GRIK4: variants seen among roughly 807,000 people sequenced by gnomAD.
The protein encoded by GRIK4 is glutamate receptor ionotropic, kainate 4.
GRIK4 carries 40 observed loss-of-function variants against 104.9 expected under a neutral mutation model. The ratio of observed to expected loss-of-function variants is 0.38; its 90% CI spans 0.30 to 0.50. The LOEUF (loss-of-function observed/expected upper bound fraction) is 0.50. GRIK4 is among the 20% of genes least tolerant of loss of function. The pLI, the probability that GRIK4 is intolerant of heterozygous loss-of-function variation, is 0.93. For missense variants in GRIK4, 1,047 were observed against 1,308.1 expected (o/e 0.80, Z 3.08); for synonymous variants, 485 against 524.9 (o/e 0.92, Z 1.04).
intron 1 of GRIK4, among the ~76,000 whole-genome samples, chr11:120,560,453 T>G (rs1354690575): frequency 6.6e-6 from 1 of 152,214 alleles, no homozygotes; most frequent in Non-Finnish European, 1.5e-5. Flanking sequence ...GCCTACACAG[T>G]GTCCCCGTTG....
intron 1 of GRIK4, among the ~76,000 whole-genome samples, chr11:120,620,791 A>G (rs1358783595): frequency 6.6e-6 from 1 of 152,026 alleles, no homozygotes; most frequent in Non-Finnish European, 1.5e-5. Context: ...TTATTTCCCC[A>G]CTGACAACTA....
At chr11:120,712,185 A>G (rs1012329893) in intron 3 of GRIK4, among the ~76,000 whole-genome samples, 1 of 152,354 alleles carries the variant, frequency 6.6e-6, no homozygotes, top group Middle Eastern at 3.4e-3. Context: ...AGGGGCACCC[A>G]GCCTGCCCTT....
At chr11:120,573,670 CAGAG>C (rs1415365703) in intron 1 of GRIK4, among the ~76,000 whole-genome samples, 1 of 152,226 alleles carries the variant, frequency 6.6e-6, no homozygotes, top group Admixed American at 6.5e-5. Context: ...AAACTAGAAA[CAGAG>C]AGAGCAGTGG....
At chr11:120,627,930 T>A (rs1949282114) in intron 1 of GRIK4, among the ~76,000 whole-genome samples, 1 of 152,242 alleles carries the variant, frequency 6.6e-6, no homozygotes, top group Admixed American at 6.5e-5. Flanking sequence ...GCTAGCAATT[T>A]GCTGTGCTTC....
At chr11:120,943,788 C>T (rs181376318) in intron 14 of GRIK4, among the ~76,000 whole-genome samples, 14 of 151,980 alleles carry the variant, frequency 9.2e-5, no homozygotes, top group African/African-American at 2.9e-4. Context: ...AACCTGTGTG[C>T]GAATGTAAAA....
intron 1 of GRIK4, among the ~76,000 whole-genome samples, chr11:120,594,468 C>T (rs1948774697): frequency 6.6e-6 from 1 of 152,138 alleles, no homozygotes; most frequent in Non-Finnish European, 1.5e-5. Flanking sequence ...CAGAGCACAA[C>T]CCTGTCTAAA....
intron 4 of GRIK4, among the ~76,000 whole-genome samples, chr11:120,805,324 T>C (rs993102686): frequency 1.1e-4 from 16 of 152,146 alleles, no homozygotes; most frequent in African/African-American, 3.9e-4. Flanking sequence ...CTTCAGGGCT[T>C]CTCTGGCAGA....
chr11:120,628,898 T>C (rs757012238), intron 1 of GRIK4, among the ~76,000 whole-genome samples: 2 of 152,154 alleles, frequency 1.3e-5, no homozygotes, highest in African/African-American at 2.4e-5. Flanking sequence ...TTTTAAAATA[T>C]TTATTAAGCA....
Position 120,939,555 on chromosome 11 carries a change from GT to G in GRIK4, c.1477-790del, listed in dbSNP as rs1189227494. Among the ~76,000 whole-genome samples the G allele has an allele frequency of 7.9e-5, 12 of 152,144 alleles. No homozygotes were observed. Among genetic ancestry groups the G allele is most frequent in the African/African-American group, 2.2e-4 (9 of 41,434 alleles). ...GCTTTCTCACTGTGGGACAAATGGG[GT>G]TGCATTAAGGTTTTTCTGATTTCTG... is the stretch of plus-strand genomic sequence containing the variant. On this transcript the variant is annotated intron_variant, in intron 13 of 20. Transcript: ENST00000527524. This position sits in a 1 kb window ranked among gnomAD's most constrained non-coding sequence, Gnocchi z 5.6.
Position 120,554,302 on chromosome 11 carries a change from G to A in GRIK4, c.-159+42415G>A, listed in dbSNP as rs188020134. ...AAACCGCTCTGGATAGATGCTGGTA[G>A]CAATTAACTATCTTTAGCTGTGAAA... On this transcript the variant is annotated intron_variant, in intron 1 of 20. Coordinates refer to ENST00000527524, the MANE Select transcript of GRIK4 (RefSeq NM_014619.5). Among the ~76,000 whole-genome samples, 23 of 152,336 alleles carry A rather than the reference G, an allele frequency of 1.5e-4. No individual in the cohort carries two copies. In the East Asian group the frequency reaches 4.1e-3, roughly 27 times the overall value.
At chr11:120,567,842 A>G (rs146409872) in intron 1 of GRIK4, among the ~76,000 whole-genome samples, 1 of 152,338 alleles carries the variant, frequency 6.6e-6, no homozygotes, top group African/African-American at 2.4e-5. Flanking sequence ...TCTCCAAGGC[A>G]GGTACAGACC....
At chr11:120,846,062 T>C (rs1191042022) in intron 8 of GRIK4, among the ~76,000 whole-genome samples, 5 of 152,174 alleles carry the variant, frequency 3.3e-5, no homozygotes, top group African/African-American at 1.2e-4. Context: ...CTCCTGTACC[T>C]ATTCTCTGCA....
At chr11:120,766,089 T>C (rs1951834164) in intron 3 of GRIK4, among the ~76,000 whole-genome samples, 1 of 152,214 alleles carries the variant, frequency 6.6e-6, no homozygotes, top group Non-Finnish European at 1.5e-5. Flanking sequence ...CCCAGGGAGA[T>C]GGGAGTTTTA....
intron 11 of GRIK4, among the ~76,000 whole-genome samples, chr11:120,890,847 G>T (rs1955267929): frequency 6.6e-6 from 1 of 152,198 alleles, no homozygotes; most frequent in South Asian, 2.1e-4. Flanking sequence ...TGCAAAACCT[G>T]AGTCTGAAGC....
At chr11:120,970,692 G>A (rs1944460670) in intron 19 of GRIK4, among the ~76,000 whole-genome samples, 1 of 152,014 alleles carries the variant, frequency 6.6e-6, no homozygotes, top group African/African-American at 2.4e-5. Flanking sequence ...TCCACTCACG[G>A]ACCTTGAGTT....
chr11:120,837,340 A>G (rs185101194), intron 8 of GRIK4, among the ~76,000 whole-genome samples: 226 of 152,290 alleles, frequency 1.5e-3, no homozygotes, highest in African/African-American at 5.1e-3. Flanking sequence ...TTGTTCTCAG[A>G]GTTGAAACAG....
intron 6 of GRIK4, among the ~76,000 whole-genome samples, chr11:120,820,416 C>T (rs932471468): frequency 5.9e-5 from 9 of 152,154 alleles, no homozygotes; most frequent in Non-Finnish European, 7.4e-5. Context: ...GAACAAGGTC[C>T]GAGGTCAATT....
chr11:120,634,419 G>A (rs750857031), intron 1 of GRIK4, among the ~76,000 whole-genome samples: 17 of 152,042 alleles, frequency 1.1e-4, no homozygotes, highest in Non-Finnish European at 1.9e-4. Context: ...CCACCATCCC[G>A]TGGTGCCATT....
chr11:120,630,050 C>T (rs958571124), intron 1 of GRIK4, among the ~76,000 whole-genome samples: 6 of 152,316 alleles, frequency 3.9e-5, no homozygotes, highest in African/African-American at 9.6e-5. Flanking sequence ...ACTCAGGAGG[C>T]GTCCCTTCCC....
Sources: gnomAD v4.1 joint callset for allele counts (sites outside exome capture counted in the v4.1 genomes callset) on GRCh38, gnomAD v4.1.1 for gene constraint, Gnocchi (gnomAD v3.1) non-coding constraint, MANE v1.5 for transcripts, NCBI Gene and HGNC (gene_info 2026-07-23, HGNC 2026-07-21) for gene names.